Variants in RGS7 observed in about 807,000 individuals in gnomAD.
The protein encoded by RGS7 is regulator of G-protein signaling 7.
RGS7 carries 27 observed loss-of-function variants against 81.1 expected under a neutral mutation model. That is an observed-to-expected ratio of 0.33 (90% CI 0.25 to 0.46). The LOEUF is 0.46. RGS7 is among the 20% of genes least tolerant of loss of function. The pLI, the probability that RGS7 is intolerant of heterozygous loss-of-function variation, is 1.00. For synonymous variants in RGS7, 208 were observed against 207.7 expected, an observed-to-expected ratio of 1.00 and a Z score of -0.01; for missense variants, 396 against 607.4, an observed-to-expected ratio of 0.65 and a Z score of 3.66.
intron 2 of RGS7, among the ~76,000 whole-genome samples, chr1:241,160,952 T>C (rs947106959): frequency 1.3e-5 from 2 of 152,094 alleles, no homozygotes; most frequent in African/African-American, 4.8e-5. Flanking sequence ...ATAATGCATT[T>C]TGAATCCGGT....
At chr1:240,841,899 T>TA (rs1412386355) in intron 9 of RGS7, among the ~76,000 whole-genome samples, 1 of 152,228 alleles carries the variant, frequency 6.6e-6, no homozygotes, top group African/African-American at 2.4e-5. Context: ...TAATCATACC[T>TA]AAAAAAGACA....
At chr1:241,351,918 T>G (rs2083273556) in intron 2 of RGS7, among the ~76,000 whole-genome samples, 1 of 152,216 alleles carries the variant, frequency 6.6e-6, no homozygotes, top group African/African-American at 2.4e-5. Context: ...TGAGGAGTCT[T>G]GCTAGTGAGA....
At chr1:241,041,563 C>T (rs1449803192) in intron 3 of RGS7, among the ~76,000 whole-genome samples, 2 of 152,122 alleles carry the variant, frequency 1.3e-5, no homozygotes, top group Non-Finnish European at 2.9e-5. Flanking sequence ...TAAAAATTCT[C>T]CCTGTCTAGT....
intron 3 of RGS7, among the ~76,000 whole-genome samples, chr1:241,048,953 T>C (rs943331797): frequency 2.6e-5 from 4 of 152,218 alleles, no homozygotes; most frequent in African/African-American, 9.6e-5. Context: ...TTGACACTCC[T>C]CGGCTTGCAG....
At chr1:241,101,111 A>G (rs1230331285) in intron 2 of RGS7, among the ~76,000 whole-genome samples, 2 of 152,184 alleles carry the variant, frequency 1.3e-5, no homozygotes, top group African/African-American at 4.8e-5. Flanking sequence ...ATTCTTCCAT[A>G]ATACCTTTAT....
intron 3 of RGS7, among the ~76,000 whole-genome samples, chr1:241,001,567 G>T (rs535233016): frequency 1.6e-4 from 24 of 152,164 alleles, no homozygotes; most frequent in Admixed American, 1.3e-4. Context: ...ATAAATAAAT[G>T]ACTGGTATAC....
intron 9 of RGS7, among the ~76,000 whole-genome samples, chr1:240,828,299 G>C (rs145140951): frequency 2.2e-4 from 34 of 152,254 alleles, no homozygotes; most frequent in African/African-American, 7.9e-4. Context: ...GGAGAGGGGA[G>C]GAGGGAGGAA....
intron 6 of RGS7, among the ~76,000 whole-genome samples, chr1:240,885,054 G>A (rs1667111078): frequency 1.3e-5 from 2 of 152,096 alleles, no homozygotes; most frequent in Admixed American, 6.6e-5. Context: ...AAATTTACAA[G>A]AGCAAAACAA....
intron 6 of RGS7, among the ~76,000 whole-genome samples, chr1:240,915,668 A>G (rs558906079): frequency 6.6e-6 from 1 of 152,302 alleles, no homozygotes; most frequent in Admixed American, 6.5e-5. Flanking sequence ...TATTTAGTAC[A>G]TCACATCCTA....
At chr1:241,035,903 C>CA (rs1309944053) in intron 3 of RGS7, among the ~76,000 whole-genome samples, 1 of 152,188 alleles carries the variant, frequency 6.6e-6, no homozygotes, top group Non-Finnish European at 1.5e-5. Flanking sequence ...ATCTTCCCTT[C>CA]AATGAAATTT....
At chr1:240,911,937 G>A (rs1671818902) in intron 6 of RGS7, among the ~76,000 whole-genome samples, 2 of 151,172 alleles carry the variant, frequency 1.3e-5, no homozygotes, top group Admixed American at 1.3e-4. Context: ...GTTAGGAGAT[G>A]GAGACTATCC....
intron 3 of RGS7, among the ~76,000 whole-genome samples, chr1:241,009,677 C>T (rs79971960): frequency 1.7e-3 from 265 of 152,188 alleles, no homozygotes; most frequent in African/African-American, 6.0e-3. Context: ...AACTGACACA[C>T]GACTGTAAAC....
chr1:241,312,227 G>A (rs968043980), intron 2 of RGS7, among the ~76,000 whole-genome samples: 2 of 152,130 alleles, frequency 1.3e-5, no homozygotes, highest in African/African-American at 4.8e-5. Context: ...GAGATGCACT[G>A]GTGAACAAAA....
intron 4 of RGS7, among the ~76,000 whole-genome samples, chr1:240,954,578 T>C (rs1481752981): frequency 6.6e-6 from 1 of 151,252 alleles, no homozygotes; most frequent in African/African-American, 2.4e-5. Context: ...CTCTTAGCAA[T>C]CTAGGATCAG....
intron 2 of RGS7, among the ~76,000 whole-genome samples, chr1:241,135,012 G>A (rs1370122521): frequency 6.6e-6 from 1 of 152,058 alleles, no homozygotes; most frequent in Non-Finnish European, 1.5e-5. Context: ...GTACTACGTA[G>A]CAGTCAGGTC....
intron 13 of RGS7, among the ~76,000 whole-genome samples, chr1:240,813,306 G>A (rs1291862605): frequency 6.6e-6 from 1 of 152,192 alleles, no homozygotes; most frequent in Non-Finnish European, 1.5e-5. Flanking sequence ...TTGTGGCTAC[G>A]TGAATTTTCC....
At chr1:241,015,565 T>G (rs769938721) in intron 3 of RGS7, among the ~76,000 whole-genome samples, 8 of 152,184 alleles carry the variant, frequency 5.3e-5, no homozygotes, top group Non-Finnish European at 1.2e-4. Flanking sequence ...CCCCAAAAGT[T>G]TACAGTCTTG....
intron 2 of RGS7, among the ~76,000 whole-genome samples, chr1:241,240,287 C>G (rs1573302805): frequency 6.6e-6 from 1 of 152,178 alleles, no homozygotes; most frequent in East Asian, 1.9e-4. Context: ...CATGTTTGTT[C>G]TTAATAACTC....
At chr1:241,015,303 T>G (rs1381235679) in intron 3 of RGS7, among the ~76,000 whole-genome samples, 1 of 152,220 alleles carries the variant, frequency 6.6e-6, no homozygotes, top group Non-Finnish European at 1.5e-5. Flanking sequence ...CTAATTGTTC[T>G]GCTGTAGCTT....
Sources: allele counts gnomAD v4.1 joint callset (sites outside exome capture counted in the v4.1 genomes callset), GRCh38; gene constraint gnomAD v4.1.1; transcripts MANE v1.5; gene names NCBI Gene and HGNC (gene_info 2026-07-23, HGNC 2026-07-21).